MRPS27: variants seen among roughly 807,000 people sequenced by gnomAD.
MRPS27 encodes small ribosomal subunit protein mS27.
Under a neutral mutation model 48.9 loss-of-function variants are expected in MRPS27, and 43 were observed. The ratio of observed to expected loss-of-function variants is 0.88; its 90% CI spans 0.69 to 1.13. MRPS27 has a LOEUF of 1.13. Among genes scored for constraint, MRPS27 ranks in the 50% most tolerant of loss-of-function variants. MRPS27 has a pLI of 0.00. For missense variants in MRPS27, 467 were observed against 476.3 expected (o/e 0.98, Z 0.18); for synonymous variants, 188 against 171.9 (o/e 1.09, Z -0.73).
chr5:72,244,684 T>C (rs752277607), intron 4 of MRPS27, among the ~76,000 whole-genome samples: 17 of 140,816 alleles, frequency 1.2e-4, no homozygotes, highest in Non-Finnish European at 2.2e-4. Context: ...TTCCAATTTT[T>C]TTTTGTTTTT....
intron 4 of MRPS27, among the ~76,000 whole-genome samples, chr5:72,265,053 C>T (rs369767400): frequency 2.0e-5 from 3 of 152,144 alleles, no homozygotes; most frequent in African/African-American, 4.8e-5. Context: ...CTTAAGGCAG[C>T]AACAAGATTT....
intron 4 of MRPS27, among the ~76,000 whole-genome samples, chr5:72,244,895 C>G (rs865996691): frequency 3.9e-4 from 60 of 151,930 alleles, no homozygotes; most frequent in African/African-American, 1.4e-3. Context: ...CTCTCTCTTA[C>G]TTTCATGGTA....
At chr5:72,301,823 C>A (rs1247348961) in intron 2 of MRPS27, among the ~76,000 whole-genome samples, 2 of 152,230 alleles carry the variant, frequency 1.3e-5, no homozygotes, top group Non-Finnish European at 2.9e-5. Flanking sequence ...ATGAATGAGG[C>A]AGAAAACTGC....
chr5:72,268,664 T>C (rs1749158924), intron 4 of MRPS27, among the ~76,000 whole-genome samples: 1 of 152,212 alleles, frequency 6.6e-6, no homozygotes, highest in African/African-American at 2.4e-5. Flanking sequence ...CTGTTTGATT[T>C]TGGAAGTGTT....
At chr5:72,278,406 G>A (rs1237246146) in intron 4 of MRPS27, among the ~76,000 whole-genome samples, 1 of 141,094 alleles carries the variant, frequency 7.1e-6, no homozygotes, top group African/African-American at 2.7e-5. Context: ...TCGCGCCACT[G>A]CACTCCAGCC....
chr5:72,246,516 T>C (rs1250832911), intron 4 of MRPS27, among the ~76,000 whole-genome samples: 2 of 152,146 alleles, frequency 1.3e-5, no homozygotes, highest in Non-Finnish European at 1.5e-5. Flanking sequence ...TTCAAAGAAT[T>C]TCCCTAACAG....
chr5:72,296,593 T>C (rs979026671), intron 3 of MRPS27, among the ~76,000 whole-genome samples: 10 of 152,220 alleles, frequency 6.6e-5, no homozygotes, highest in African/African-American at 2.4e-4. Context: ...CCAGGTATTA[T>C]GGCATACAGA....
At chr5:72,231,806 A>G (rs1374121724) in intron 7 of MRPS27, among the ~76,000 whole-genome samples, 1 of 152,112 alleles carries the variant, frequency 6.6e-6, no homozygotes, top group East Asian at 1.9e-4. Context: ...TTCGTTACCT[A>G]CTAGCTGGGG....
At chr5:72,234,314 A>C (rs1407622720) in intron 5 of MRPS27, 117 bp from the exon 6 acceptor site, 4 of 907,998 alleles carry the variant, frequency 4.4e-6, no homozygotes, top group Non-Finnish European at 5.8e-6. Context: ...AAAATATTTG[A>C]CTATCATTTT....
chr5:72,254,220 C>G (rs183328354), intron 4 of MRPS27, among the ~76,000 whole-genome samples: 1 of 152,198 alleles, frequency 6.6e-6, no homozygotes, highest in African/African-American at 2.4e-5. Flanking sequence ...AAAACCAGCA[C>G]GAAGGAATAC....
intron 4 of MRPS27, among the ~76,000 whole-genome samples, chr5:72,247,995 T>C (rs766914771): frequency 6.6e-6 from 1 of 152,202 alleles, no homozygotes; most frequent in Non-Finnish European, 1.5e-5. Flanking sequence ...TTTAGAAAGG[T>C]TTACTTTACC....
chr5:72,315,202 C>T (rs1042964863), intron 1 of MRPS27, among the ~76,000 whole-genome samples: 8 of 151,832 alleles, frequency 5.3e-5, no homozygotes, highest in Middle Eastern at 3.2e-3. Flanking sequence ...TTATCTAGTA[C>T]AAGACTTGTA....
chr5:72,305,974 A>T (rs1027689537), intron 2 of MRPS27, among the ~76,000 whole-genome samples: 3 of 152,246 alleles, frequency 2.0e-5, no homozygotes, highest in Non-Finnish European at 1.5e-5. Flanking sequence ...TCAAAAGTTG[A>T]AATCTGATTG....
intron 7 of MRPS27, chr5:72,228,676 C>A (rs532736122): frequency 3.0e-4 from 68 of 229,398 alleles, no homozygotes; most frequent in African/African-American, 1.4e-3. Flanking sequence ...GTTTCTTTTA[C>A]AATCAGAAAA....
At chr5:72,288,310 C>T (rs1749728193) in intron 4 of MRPS27, among the ~76,000 whole-genome samples, 1 of 152,002 alleles carries the variant, frequency 6.6e-6, no homozygotes, top group Middle Eastern at 3.4e-3. Flanking sequence ...TGGGTTCATG[C>T]CGTTCTCCCG....
chr5:72,294,809 G>A (rs137895187), intron 4 of MRPS27: 5 of 151,998 alleles, frequency 3.3e-5, no homozygotes, highest in African/African-American at 7.2e-5. Context: ...AAAAAGGAGA[G>A]AAGAGATATA....
chr5:72,251,236 A>C (rs1748657206), intron 4 of MRPS27, among the ~76,000 whole-genome samples: 1 of 152,210 alleles, frequency 6.6e-6, no homozygotes, highest in Non-Finnish European at 1.5e-5. Context: ...CTGGGTCAGT[A>C]AGAGGGTAAA....
intron 4 of MRPS27, among the ~76,000 whole-genome samples, chr5:72,271,662 T>C (rs1263620810): frequency 6.6e-6 from 1 of 152,240 alleles, no homozygotes. Context: ...AATTTGAATA[T>C]GGACTGTATT....
In MRPS27 at chr5:72,249,941, G is replaced by A. The variant is rs180758864; in HGVS notation, c.282-11813C>T. Among the ~76,000 whole-genome samples the A allele has an allele frequency of 2.7e-3, 404 of 152,076 alleles. 7 individuals carry two copies. Among genetic ancestry groups the A allele is most frequent in the Admixed American group, 0.023 (354 of 15,280 alleles). ...GGAGCTTGCAGTAAGCTGAGATCAC[G>A]CCACTGCACTCCAGCCTGGGCGACA... is the stretch of plus-strand genomic sequence containing the variant. On this transcript the variant is annotated intron_variant, in intron 4 of 10. Coordinates refer to ENST00000261413, the MANE Select transcript of MRPS27 (RefSeq NM_015084.3).
Sources: allele counts gnomAD v4.1 joint callset (sites outside exome capture counted in the v4.1 genomes callset), GRCh38; gene constraint gnomAD v4.1.1; transcripts MANE v1.5; gene names NCBI Gene and HGNC (gene_info 2026-07-23, HGNC 2026-07-21).